Variants in DPP10 observed in about 807,000 individuals in gnomAD.
DPP10 encodes inactive dipeptidyl peptidase 10.
In DPP10, 33 loss-of-function variants were observed where a neutral mutation model predicts 120.9. The observed-to-expected ratio is 0.27, with a 90% CI of 0.21 to 0.37. The LOEUF is 0.37. Ranked by LOEUF, DPP10 falls within the 10% of genes least tolerant of loss-of-function variation. DPP10 has a pLI of 1.00. For missense variants in DPP10, 816 were observed against 942.8 expected, an observed-to-expected ratio of 0.87 and a Z score of 1.76; for synonymous variants, 337 against 326.1, an observed-to-expected ratio of 1.03 and a Z score of -0.36.
chr2:114,760,912 T>G (rs1316434873), intron 1 of DPP10, among the ~76,000 whole-genome samples: 1 of 152,132 alleles, frequency 6.6e-6, no homozygotes, highest in African/African-American at 2.4e-5. Context: ...ATTAAGATAT[T>G]TAGAAACAAA....
At chr2:114,654,907 C>T (rs1162160313) in intron 1 of DPP10, among the ~76,000 whole-genome samples, 1 of 152,154 alleles carries the variant, frequency 6.6e-6, no homozygotes, top group Non-Finnish European at 1.5e-5. Context: ...GGTGTGAGTT[C>T]TGTTTCTCAA....
chr2:114,517,521 C>CAAAA (rs70937285), intron 1 of DPP10, among the ~76,000 whole-genome samples: 2 of 123,956 alleles, frequency 1.6e-5, no homozygotes, highest in Admixed American at 7.9e-5. Context: ...GACTCCGTCT[C>CAAAA]AAAAAAAAAA....
intron 1 of DPP10, among the ~76,000 whole-genome samples, chr2:114,731,011 G>A (rs1676859550): frequency 6.6e-6 from 1 of 151,892 alleles, no homozygotes; most frequent in Non-Finnish European, 1.5e-5. Context: ...GTCAAATCTG[G>A]ATTGGGAATG....
At chr2:115,131,690 CTG>C (rs1456350905) in intron 1 of DPP10, 2 of 152,140 alleles carry the variant, frequency 1.3e-5, no homozygotes, top group South Asian at 2.1e-4. Context: ...AAAACAAACA[CTG>C]TGAAATATTT....
chr2:115,187,186 G>A (rs915692310), intron 1 of DPP10, among the ~76,000 whole-genome samples: 4 of 150,112 alleles, frequency 2.7e-5, no homozygotes, highest in South Asian at 4.2e-4. Context: ...ACAGGCGCCC[G>A]CCACCACGCC....
intron 1 of DPP10, among the ~76,000 whole-genome samples, chr2:114,656,123 T>C (rs1011532628): frequency 6.6e-6 from 1 of 152,178 alleles, no homozygotes; most frequent in African/African-American, 2.4e-5. Flanking sequence ...TGAAAATGAG[T>C]AATTTTTAGC....
In DPP10 at chr2:115,742,569, A is replaced by G. The variant is rs17044949; in HGVS notation, c.852+2676A>G. 6.4e-3 allele frequency among the ~76,000 whole-genome samples: 975 copies of G among 152,076 alleles called. 10 individuals carry two copies. Among genetic ancestry groups the G allele is most frequent in the African/African-American group, 0.02 (835 of 41,534 alleles). On this transcript the variant is annotated intron_variant, in intron 9 of 25. Transcript: ENST00000410059. Reference sequence around the variant, plus strand: ...CTGCTCACCTACCCAGGTACTTAAGACAATAGGACTCTAAGAAAATAATCT... The same window carrying G: ...CTGCTCACCTACCCAGGTACTTAAGGCAATAGGACTCTAAGAAAATAATCT...
chr2:114,819,459 G>A (rs116277287), intron 1 of DPP10, among the ~76,000 whole-genome samples: 53 of 151,844 alleles, frequency 3.5e-4, no homozygotes, highest in African/African-American at 1.2e-3. Context: ...TGTTATCCCC[G>A]GAAATATCAT....
chr2:115,081,364 T>C (rs907958408), intron 1 of DPP10, among the ~76,000 whole-genome samples: 11 of 152,222 alleles, frequency 7.2e-5, no homozygotes, highest in Admixed American at 5.2e-4. Context: ...AGCTATCTTC[T>C]CAGATACAAA....
At chr2:115,495,703 GT>G (rs2076359933) in intron 3 of DPP10, among the ~76,000 whole-genome samples, 1 of 152,112 alleles carries the variant, frequency 6.6e-6, no homozygotes, top group African/African-American at 2.4e-5. Flanking sequence ...AGTAATGATA[GT>G]TAGGGTTACT....
intron 1 of DPP10, among the ~76,000 whole-genome samples, chr2:115,083,930 A>C (rs184576509): frequency 6.6e-6 from 1 of 152,214 alleles, no homozygotes; most frequent in Non-Finnish European, 1.5e-5. Context: ...TTAATCAGTA[A>C]TATACTACTG....
At chr2:115,139,625 T>C (rs1334948820) in intron 1 of DPP10, among the ~76,000 whole-genome samples, 1 of 148,564 alleles carries the variant, frequency 6.7e-6, no homozygotes, top group Non-Finnish European at 1.5e-5. Context: ...ACTGAGTTTC[T>C]AAGTGGGCCA....
At chr2:115,468,603 T>G (rs183715547) in intron 3 of DPP10, 10 of 388,228 alleles carry the variant, frequency 2.6e-5, no homozygotes, top group African/African-American at 2.1e-4. Flanking sequence ...TCTGCACTTG[T>G]GTGGCACCAT....
chr2:115,507,613 A>C (rs2077015255), intron 4 of DPP10, among the ~76,000 whole-genome samples: 1 of 152,170 alleles, frequency 6.6e-6, no homozygotes, highest in Admixed American at 6.6e-5. Context: ...AGTGGTGGAC[A>C]TGGGTAGAGA....
At chr2:114,826,785 C>T (rs1686583526) in intron 1 of DPP10, among the ~76,000 whole-genome samples, 1 of 152,192 alleles carries the variant, frequency 6.6e-6, no homozygotes, top group Non-Finnish European at 1.5e-5. Flanking sequence ...GCCTCGGCCT[C>T]CCAAAGTGCT....
intron 5 of DPP10, among the ~76,000 whole-genome samples, chr2:115,577,225 C>T (rs921211): frequency 0.4 from 61,380 of 152,006 alleles, 15,334 homozygotes; most frequent in Non-Finnish European, 0.57. Flanking sequence ...GAAGATGCTG[C>T]GTCTAATATC....
chr2:115,786,599 C>A (rs993665622), intron 17 of DPP10, among the ~76,000 whole-genome samples: 1 of 152,068 alleles, frequency 6.6e-6, no homozygotes, highest in African/African-American at 2.4e-5. Flanking sequence ...GGTCTCTGAT[C>A]CCTGAAAGAA....
Position 115,775,867 on chromosome 2 carries a change from A to G in DPP10, c.1222-1341A>G, listed in dbSNP as rs1213844174. ...TAAAATTTCAAAAATATGTAAGATA[A>G]TTAACTGCATTTAAATTTTCCTGAG... On this transcript the variant is annotated intron_variant, in intron 13 of 25. Transcript: ENST00000410059. 2.6e-5 allele frequency among the ~76,000 whole-genome samples: 4 copies of G among 152,304 alleles called. No homozygotes were observed. In the South Asian group the frequency reaches 8.3e-4, roughly 32 times the overall value.
chr2:114,536,414 T>C (rs951386956), intron 1 of DPP10, among the ~76,000 whole-genome samples: 1 of 148,622 alleles, frequency 6.7e-6, no homozygotes, highest in Non-Finnish European at 1.5e-5. Flanking sequence ...TTTTCTTTTT[T>C]TTTTTTTTTG....
Sources: allele counts gnomAD v4.1 joint callset (sites outside exome capture counted in the v4.1 genomes callset), GRCh38; gene constraint gnomAD v4.1.1; transcripts MANE v1.5; gene names NCBI Gene and HGNC (gene_info 2026-07-23, HGNC 2026-07-21).